The following HTRA4 variants were observed in gnomAD, a reference collection of about 807,000 sequenced individuals.
HTRA4 encodes HtrA serine peptidase 4.
Under a neutral mutation model 49.1 loss-of-function variants are expected in HTRA4, and 46 were observed. That is an observed-to-expected ratio of 0.94 (90% confidence interval 0.74 to 1.20). The LOEUF (loss-of-function observed/expected upper bound fraction) is 1.20, where lower values mean the gene tolerates loss of function less well. Among genes scored for constraint, HTRA4 ranks in the 50% most tolerant of loss-of-function variants. The probability of loss-of-function intolerance (pLI) is 0.00; values close to 1 mark genes in which losing one functional copy is unlikely to be tolerated. For synonymous variants in HTRA4, 261 were observed against 264.0 expected (o/e 0.99, Z 0.11); for missense variants, 602 against 636.9 (o/e 0.95, Z 0.59).
chr8:38,979,762 C>A (rs1267818578), intron 5 of HTRA4, among the ~76,000 whole-genome samples: 1 of 152,210 alleles, frequency 6.6e-6, no homozygotes, highest in East Asian at 1.9e-4. Context: ...AGTGATCCTC[C>A]TGCCTTGGCC....
At chr8:38,975,839 A>G (rs1299275799) in intron 2 of HTRA4, among the ~76,000 whole-genome samples, 1 of 152,186 alleles carries the variant, frequency 6.6e-6, no homozygotes, top group Non-Finnish European at 1.5e-5. Flanking sequence ...ACTAAGCCAG[A>G]ATCAGAGCCC....
intron 2 of HTRA4, 98 bp downstream of exon 2, chr8:38,975,228 A>G (rs2129426845): frequency 1.6e-6 from 2 of 1,230,392 alleles, no homozygotes; most frequent in Non-Finnish European, 2.4e-6. Context: ...ATCCTAAAAA[A>G]CCAGTGAGGA....
rs1223212938 is a variant in HTRA4 at position 38,974,416 on chromosome 8, G to A, written c.153G>A (p.Ala51=). 2.6e-6 allele frequency: 4 copies of A among 1,554,404 alleles called. No homozygotes were observed. Among genetic ancestry groups the A allele is most frequent in the Middle Eastern group, 2.1e-4 (1 of 4,826 alleles). ...TCTGCCAGCCCACGCGCTGCCCCGCGCTGCCCACCTGCGCGCTGGGGACCA... is the reference window on the plus strand; with the variant it reads ...TCTGCCAGCCCACGCGCTGCCCCGCACTGCCCACCTGCGCGCTGGGGACCA... ...PAVCQPTRCP[A]LPTCALGTTP... The change falls in exon 1 of 9, where the codon GCG becomes GCA. Residue 51 remains alanine (A), a synonymous_variant. Transcript: ENST00000302495.
chr8:38,981,847 A>C (rs1367597516), intron 6 of HTRA4, 80 bp downstream of exon 6: 8 of 1,040,564 alleles, frequency 7.7e-6, no homozygotes, highest in African/African-American at 6.5e-5. Flanking sequence ...GGTGACAGCA[A>C]TTTTTTTGTT....
rs746328219 is a variant in HTRA4, at chr8:38,988,087, A to ACAAT, written c.1425_1428dup (p.Ter477GlnfsTer7). 6.3e-6 allele frequency: 10 copies of ACAAT among 1,588,032 alleles called. No homozygotes were observed. In the African/African-American group the frequency reaches 8.2e-5, roughly 13 times the overall value. ...TTTGCTCCTGACAGTCATACCTGAAACAATCAATTAAATATCTTGTTTTAA... is the reference window on the plus strand; with the variant it reads ...TTTGCTCCTGACAGTCATACCTGAAACAATCAATCAATTAAATATCTTGTTTTAA... On this transcript the variant is annotated frameshift_variant, in exon 9 of 9. Coordinates refer to ENST00000302495, the MANE Select transcript of HTRA4 (RefSeq NM_153692.4). LOFTEE classifies it high-confidence loss of function.
At chr8:38,980,880 A>G (rs920329507) in intron 5 of HTRA4, among the ~76,000 whole-genome samples, 5 of 152,082 alleles carry the variant, frequency 3.3e-5, no homozygotes, top group African/African-American at 1.2e-4. Context: ...CCTAAGGTCA[A>G]TTTTGCTAAT....
At chr8:38,980,600 T>C (rs1588292866) in intron 5 of HTRA4, among the ~76,000 whole-genome samples, 1 of 150,244 alleles carries the variant, frequency 6.7e-6, no homozygotes, top group South Asian at 2.1e-4. Flanking sequence ...TAACTGGGCA[T>C]GGTGGCATGC....
intron 3 of HTRA4, among the ~76,000 whole-genome samples, chr8:38,977,011 C>G (rs1328103761): frequency 6.6e-6 from 1 of 152,186 alleles, no homozygotes; most frequent in African/African-American, 2.4e-5. Context: ...TCTCAGCTCA[C>G]TGCAACCTCT....
chr8:38,985,401 C>T (rs542239827), intron 8 of HTRA4, among the ~76,000 whole-genome samples: 20 of 152,274 alleles, frequency 1.3e-4, no homozygotes, highest in East Asian at 1.9e-4. Context: ...CCTTGTGATC[C>T]GCCTGCCTCG....
intron 8 of HTRA4, among the ~76,000 whole-genome samples, chr8:38,984,149 C>T (rs1331078989): frequency 1.3e-5 from 2 of 151,844 alleles, no homozygotes; most frequent in Non-Finnish European, 2.9e-5. Context: ...TACAGGCACC[C>T]GCCACCACGC....
chr8:38,986,314 C>T (rs74560706), intron 8 of HTRA4, among the ~76,000 whole-genome samples: 3,676 of 152,228 alleles, frequency 0.024, 172 homozygotes, highest in African/African-American at 0.084. Flanking sequence ...CTGAGTTTCG[C>T]TCTTGTTGCC....
In HTRA4 at chr8:38,974,713, G is replaced by C. The variant is rs527445905; in HGVS notation, c.450G>C (p.Gly150=). 1.4e-6 allele frequency: 2 copies of C among 1,427,164 alleles called. No individual in the cohort carries two copies. The highest frequency in any genetic ancestry group is 1.5e-5 in the African/African-American group (1 of 68,596). 88.4% of individuals were successfully genotyped at this position (1,427,164 alleles called of 1,614,324 possible). Residue 150 remains glycine (G), a synonymous_variant, in exon 1 of 9, where the codon GGG becomes GGC. Coordinates refer to ENST00000302495, the MANE Select transcript of HTRA4 (RefSeq NM_153692.4). ...GKVPAVPVQW[G]NCGDTGTRSA... ...TCCCGGCCGTGCCTGTGCAGTGGGG[G>C]AACTGCGGGGATACAGGTGAGCCGC...
chr8:38,977,947 G>C lies in HTRA4; in HGVS notation c.772-6G>C. ...GTCCTCCCCATCCCTTTTTGGGCAC[G>C]TGCAGGCTGAACTTCCTGTACTGAT... On this transcript the variant is annotated splice_polypyrimidine_tract_variant and splice_region_variant and intron_variant, in intron 3 of 8. Coordinates refer to ENST00000302495, the MANE Select transcript of HTRA4 (RefSeq NM_153692.4). The C allele has an allele frequency of 1.2e-6, 2 of 1,612,342 alleles. No individual in the cohort carries two copies. Among genetic ancestry groups the C allele is most frequent in the Non-Finnish European group, 1.7e-6 (2 of 1,179,536 alleles).
intron 1 of HTRA4, 71 bp from the exon 2 acceptor site, chr8:38,974,960 A>C (rs531242556): frequency 1.0e-5 from 16 of 1,565,250 alleles, no homozygotes; most frequent in Non-Finnish European, 1.3e-5. Flanking sequence ...TCTTGCCTTT[A>C]ACATTTTTCC....
chr8:38,978,291 A>G (rs1835378044), intron 4 of HTRA4, 144 bp downstream of exon 4: 1 of 667,682 alleles, frequency 1.5e-6, no homozygotes, highest in African/African-American at 1.8e-5. Flanking sequence ...CTGTCAGATC[A>G]GTGGCGGCAT....
chr8:38,974,379 C>A lies in HTRA4; in HGVS notation c.116C>A (p.Ser39Tyr). 6.3e-7 allele frequency: 1 copy of A among 1,584,988 alleles called. No homozygotes were observed. The highest frequency in any genetic ancestry group is 1.1e-5 in the South Asian group (1 of 87,862). The change falls in exon 1 of 9, where the codon TCC becomes TAC. Residue 39 changes from serine (S) to tyrosine (Y), a missense_variant. Transcript: ENST00000302495. The part of the protein sequence containing the change: ...AGAEKLHTQP[S>Y]CPAVCQPTRC... ...GCTGAAAAGCTACATACCCAGCCCTCCTGCCCCGCGGTCTGCCAGCCCACG... is the reference window on the plus strand; with the variant it reads ...GCTGAAAAGCTACATACCCAGCCCTACTGCCCCGCGGTCTGCCAGCCCACG...
In HTRA4 at chr8:38,975,019, AT is replaced by A; in HGVS notation, c.467-6del. On this transcript the variant is annotated splice_polypyrimidine_tract_variant and intron_variant, in intron 1 of 8. Coordinates refer to ENST00000302495, the MANE Select transcript of HTRA4 (RefSeq NM_153692.4). ...CCTCGAGGCGTACTCTTGAGCCAGT[AT>A]TTTTTCATAGGGACCAGAAGCGCAG... 6.2e-7 allele frequency: 1 copy of A among 1,613,788 alleles called. No individual in the cohort carries two copies. The highest frequency in any genetic ancestry group is 8.5e-7 in the Non-Finnish European group (1 of 1,179,902).
chr8:38,981,530 G>A, intron 5 of HTRA4, 123 bp from the exon 6 acceptor site: 1 of 662,782 alleles, frequency 1.5e-6, no homozygotes, highest in Admixed American at 2.6e-5. Context: ...GAAGTACAAA[G>A]TTCCTCTCGG....
intron 8 of HTRA4, among the ~76,000 whole-genome samples, chr8:38,983,483 G>A (rs184077518): frequency 3.3e-5 from 5 of 152,022 alleles, no homozygotes; most frequent in African/African-American, 4.8e-5. Context: ...CTGAGATCAC[G>A]CCACTGTACT....
Sources: allele counts gnomAD v4.1 joint callset (sites outside exome capture counted in the v4.1 genomes callset), GRCh38; gene constraint gnomAD v4.1.1; transcripts MANE v1.5; gene names NCBI Gene and HGNC (gene_info 2026-07-23, HGNC 2026-07-21).